The following GOLM1 variants were observed in gnomAD, a reference collection of about 807,000 sequenced individuals.
GOLM1 encodes the protein epididymis luminal protein 46.
Under a neutral mutation model 50.5 loss-of-function variants are expected in GOLM1, and 31 were observed. The ratio of observed to expected loss-of-function variants is 0.61; its 90% CI spans 0.46 to 0.83. The LOEUF is 0.83. GOLM1 is among the 40% of genes least tolerant of loss of function. The probability of loss-of-function intolerance (pLI) is 0.00; values close to 1 mark genes in which losing one functional copy is unlikely to be tolerated. For synonymous variants in GOLM1, 178 were observed against 192.8 expected, an observed-to-expected ratio of 0.92 and a Z score of 0.64; for missense variants, 491 against 501.3, an observed-to-expected ratio of 0.98 and a Z score of 0.20.
chr9:86,057,880 A>G (rs1438705711), intron 3 of GOLM1, among the ~76,000 whole-genome samples: 1 of 152,126 alleles, frequency 6.6e-6, no homozygotes, highest in Non-Finnish European at 1.5e-5. Context: ...TGACTTAACT[A>G]CTGTATTTCT....
rs953141781 is a variant in GOLM1, at chr9:86,036,438, C to T, written c.667G>A (p.Gly223Arg). 9.9e-6 allele frequency: 16 copies of T among 1,614,032 alleles called. No homozygotes were observed. The highest frequency in any genetic ancestry group is 1.3e-5 in the Non-Finnish European group (15 of 1,180,028). Residue 223 changes from glycine to arginine, a missense_variant, in exon 7 of 10, where the codon GGG (glycine) becomes AGG (arginine). Coordinates refer to ENST00000388712, the MANE Select transcript of GOLM1 (RefSeq NM_016548.4). ...AGLPHTEVPQ[G>R]KGNVLGNSKS... is the part of the protein sequence containing the mutation. ...CTGTTACCAAGCACGTTTCCCTTCC[C>T]TTGTGGCACCTCTGTGTGTGGCAGG...
intron 3 of GOLM1, among the ~76,000 whole-genome samples, chr9:86,076,196 A>G (rs1244300249): frequency 6.6e-6 from 1 of 152,052 alleles, no homozygotes; most frequent in Admixed American, 6.5e-5. Context: ...AGACGGGTAC[A>G]TCACCTGAGG....
intron 3 of GOLM1, among the ~76,000 whole-genome samples, chr9:86,064,090 G>A (rs1176858457): frequency 3.3e-5 from 5 of 152,228 alleles, no homozygotes; most frequent in Non-Finnish European, 7.3e-5. Flanking sequence ...GGTGGGAGGT[G>A]AGGACCCAGC....
At chr9:86,042,206 G>A (rs147224090) in intron 5 of GOLM1, among the ~76,000 whole-genome samples, 62 of 152,342 alleles carry the variant, frequency 4.1e-4, no homozygotes, top group Middle Eastern at 3.4e-3. Context: ...TATTTTAAGA[G>A]TATTTTGACA....
chr9:86,060,674 G>A (rs1834126781), intron 3 of GOLM1, among the ~76,000 whole-genome samples: 1 of 151,824 alleles, frequency 6.6e-6, no homozygotes, highest in South Asian at 2.1e-4. Flanking sequence ...CTGAGGTCAG[G>A]AGTTCCAGAC....
Position 86,026,951 on chromosome 9 carries a change from G to A in GOLM1, c.*866C>T. On this transcript the variant is annotated 3_prime_UTR_variant, in exon 10 of 10. Coordinates refer to ENST00000388712, the MANE Select transcript of GOLM1 (RefSeq NM_016548.4). ...TTACTCCAGTAATAAAGTAGGCACA[G>A]ATCTGTCCACAACAAACTTGCCCTC... 1 of 985,160 alleles carries A rather than the reference G, an allele frequency of 1.0e-6. No individual in the cohort carries two copies. Among genetic ancestry groups the A allele is most frequent in the South Asian group, 4.7e-5 (1 of 21,278 alleles). The allele number at this position is 985,160 out of a possible 1,614,324, so 61.0% of individuals were successfully genotyped here.
At chr9:86,093,390 A>G (rs926559432) in intron 1 of GOLM1, among the ~76,000 whole-genome samples, 1 of 151,542 alleles carries the variant, frequency 6.6e-6, no homozygotes, top group Non-Finnish European at 1.5e-5. Flanking sequence ...AAAAAAAAAA[A>G]AAAAGAAACA....
intron 3 of GOLM1, among the ~76,000 whole-genome samples, chr9:86,073,847 A>G (rs1236209743): frequency 6.6e-6 from 1 of 152,214 alleles, no homozygotes; most frequent in East Asian, 1.9e-4. Context: ...TATTCATTAG[A>G]CTCATGTGGC....
At chr9:86,040,054 G>A (rs1272462191) in intron 6 of GOLM1, among the ~76,000 whole-genome samples, 1 of 151,878 alleles carries the variant, frequency 6.6e-6, no homozygotes, top group East Asian at 1.9e-4. Flanking sequence ...CAAATCAAGA[G>A]ACACAAAGTA....
At chr9:86,053,640 ACACCACACCATGCTAC>A (rs1833879121) in intron 3 of GOLM1, among the ~76,000 whole-genome samples, 5 of 1,794 alleles carry the variant, frequency 2.8e-3, no homozygotes, top group Non-Finnish European at 5.6e-3. Flanking sequence ...TACAAAACAC[ACACCACACCATGCTAC>A]ACCACTCCAC....
chr9:86,026,889 G>T lies in GOLM1; in HGVS notation c.*928C>A. 1.0e-6 allele frequency: 1 copy of T among 983,932 alleles called. No homozygotes were observed. Among genetic ancestry groups the T allele is most frequent in the Non-Finnish European group, 1.2e-6 (1 of 828,696 alleles). The allele number at this position is 983,932 out of a possible 1,614,324, so 61.0% of individuals were successfully genotyped here. On this transcript the variant is annotated 3_prime_UTR_variant, in exon 10 of 10. Transcript: ENST00000388712. ...CTAAACAGTCCTAATTTCTAACACT[G>T]TATATATCCTTCGACATCAATGAAC... is the stretch of plus-strand genomic sequence containing the variant.
intron 1 of GOLM1, among the ~76,000 whole-genome samples, chr9:86,093,776 C>A (rs1282600537): frequency 2.0e-5 from 3 of 152,094 alleles, no homozygotes; most frequent in African/African-American, 7.2e-5. Context: ...AATACACGAG[C>A]CCCTTGACCC....
At chr9:86,074,318 A>C (rs890373275) in intron 3 of GOLM1, among the ~76,000 whole-genome samples, 1 of 152,056 alleles carries the variant, frequency 6.6e-6, no homozygotes, top group Non-Finnish European at 1.5e-5. Flanking sequence ...GCCAAAATAG[A>C]GCTAGTTAGA....
intron 3 of GOLM1, among the ~76,000 whole-genome samples, chr9:86,053,291 CACCA>C (rs1833836169): frequency 7.0e-6 from 1 of 143,458 alleles, no homozygotes; most frequent in Non-Finnish European, 1.5e-5. Context: ...CACCATTCCA[CACCA>C]CACACCACAC....
rs570460851 is a variant in GOLM1, at chr9:86,071,839, G to A, written c.309+5573C>T. On this transcript the variant is annotated intron_variant, in intron 3 of 9. Transcript: ENST00000388712. ...TGTAGTTGGCAAACACTGCAAGCTT[G>A]GAAAACCCCCAGGTGCCTGAGCAGC... is the stretch of plus-strand genomic sequence containing the variant. Among the ~76,000 whole-genome samples, 7 of 152,314 alleles carry A rather than the reference G, an allele frequency of 4.6e-5. No homozygotes were observed. The East Asian group carries it at 1.2e-3, about 25-fold the overall frequency.
intron 3 of GOLM1, among the ~76,000 whole-genome samples, chr9:86,064,316 G>A (rs192964173): frequency 6.6e-6 from 1 of 152,240 alleles, no homozygotes; most frequent in African/African-American, 2.4e-5. Flanking sequence ...TTTATTTTCA[G>A]GGCAGCAAAT....
intron 3 of GOLM1, among the ~76,000 whole-genome samples, chr9:86,071,970 A>G (rs1286972101): frequency 6.6e-6 from 1 of 152,210 alleles, no homozygotes; most frequent in East Asian, 1.9e-4. Flanking sequence ...TTATACAAAG[A>G]AAGAGGGTAC....
At chr9:86,045,745 AT>A (rs938640598) in intron 5 of GOLM1, among the ~76,000 whole-genome samples, 3 of 152,036 alleles carry the variant, frequency 2.0e-5, no homozygotes, top group African/African-American at 7.3e-5. Flanking sequence ...AAATGATTAA[AT>A]TTTTTTGATG....
Position 86,026,874 on chromosome 9 carries a change from C to A in GOLM1, c.*943G>T. On this transcript the variant is annotated 3_prime_UTR_variant, in exon 10 of 10. Transcript: ENST00000388712. ...TGTATTCCTGTTTTTCTAAACAGTC[C>A]TAATTTCTAACACTGTATATATCCT... The A allele has an allele frequency of 2.0e-6, 2 of 983,668 alleles. No individual in the cohort carries two copies. The highest frequency in any genetic ancestry group is 2.4e-6 in the Non-Finnish European group (2 of 828,484). 60.9% of individuals were successfully genotyped at this position (983,668 alleles called of 1,614,324 possible).
Sources: gnomAD v4.1 joint callset for allele counts (sites outside exome capture counted in the v4.1 genomes callset) on GRCh38, gnomAD v4.1.1 for gene constraint, MANE v1.5 for transcripts, NCBI Gene and HGNC (gene_info 2026-07-23, HGNC 2026-07-21) for gene names.